The following ROR1 variants were observed in gnomAD, a reference collection of about 807,000 sequenced individuals.
The protein encoded by ROR1 is inactive tyrosine-protein kinase transmembrane receptor ROR1.
Under a neutral mutation model 78.8 loss-of-function variants are expected in ROR1, and 19 were observed. The observed-to-expected ratio is 0.24, with a 90% CI of 0.17 to 0.35. ROR1 has a LOEUF of 0.35. Ranked by LOEUF, ROR1 falls within the 10% of genes least tolerant of loss-of-function variation. The probability of loss-of-function intolerance (pLI) is 1.00; values close to 1 mark genes in which losing one functional copy is unlikely to be tolerated. For synonymous variants in ROR1, 386 were observed against 433.6 expected (o/e 0.89, Z 1.36); for missense variants, 917 against 1,177.8 (o/e 0.78, Z 3.24).
At chr1:63,950,715 C>T (rs1352046281) in intron 1 of ROR1, among the ~76,000 whole-genome samples, 3 of 152,184 alleles carry the variant, frequency 2.0e-5, no homozygotes, top group Non-Finnish European at 2.9e-5. Context: ...GGGCAAGTTC[C>T]CCAAATGTTT....
intron 8 of ROR1, among the ~76,000 whole-genome samples, chr1:64,168,480 C>T (rs7515058): frequency 0.13 from 19,108 of 152,124 alleles, 1,502 homozygotes; most frequent in Middle Eastern, 0.21. Flanking sequence ...GCCATGTCTT[C>T]TCTCTTCATG....
chr1:64,054,643 T>A (rs1052614715), intron 4 of ROR1, among the ~76,000 whole-genome samples: 2 of 152,226 alleles, frequency 1.3e-5, no homozygotes, highest in Non-Finnish European at 2.9e-5. Context: ...TACAAAATAT[T>A]ACAATTTAAT....
At chr1:63,994,695 C>A (rs1646323440) in intron 1 of ROR1, among the ~76,000 whole-genome samples, 1 of 152,206 alleles carries the variant, frequency 6.6e-6, no homozygotes, top group South Asian at 2.1e-4. Context: ...CTCCCAAGTG[C>A]TTCCACCAGC....
At chr1:64,076,411 A>G (rs992202380) in intron 4 of ROR1, among the ~76,000 whole-genome samples, 3 of 152,212 alleles carry the variant, frequency 2.0e-5, no homozygotes, top group Non-Finnish European at 4.4e-5. Flanking sequence ...GATTATACAA[A>G]CAGCTTGAGG....
At chr1:63,793,875 C>T (rs1644741871) in intron 1 of ROR1, among the ~76,000 whole-genome samples, 1 of 152,220 alleles carries the variant, frequency 6.6e-6, no homozygotes, top group Non-Finnish European at 1.5e-5. Context: ...GTGCTGCCCT[C>T]CCCGCTGGGG....
intron 1 of ROR1, among the ~76,000 whole-genome samples, chr1:63,987,499 T>C (rs1646262158): frequency 6.6e-6 from 1 of 152,208 alleles, no homozygotes; most frequent in African/African-American, 2.4e-5. Context: ...ATGTTAATCT[T>C]TGTATCATAG....
chr1:63,865,794 T>C (rs370057857), intron 1 of ROR1, among the ~76,000 whole-genome samples: 47 of 152,326 alleles, frequency 3.1e-4, no homozygotes, highest in East Asian at 1.9e-3. Context: ...ATAGCGCTTG[T>C]GACTGAATCA....
chr1:63,837,527 A>G (rs1645024861), intron 1 of ROR1, among the ~76,000 whole-genome samples: 1 of 152,124 alleles, frequency 6.6e-6, no homozygotes, highest in African/African-American at 2.4e-5. Context: ...CTGAAAAGCA[A>G]TTTCAGTGTG....
At chr1:63,902,950 GA>G (rs1345549544) in intron 1 of ROR1, among the ~76,000 whole-genome samples, 1 of 152,142 alleles carries the variant, frequency 6.6e-6, no homozygotes, top group Non-Finnish European at 1.5e-5. Flanking sequence ...CTTGTTAGAA[GA>G]ATGAGATGGG....
intron 1 of ROR1, among the ~76,000 whole-genome samples, chr1:63,787,434 T>G: frequency 8.6e-6 from 1 of 116,182 alleles, no homozygotes; most frequent in East Asian, 2.4e-4. Flanking sequence ...AACTATTGCC[T>G]TTCTTTCCTT....
intron 7 of ROR1, chr1:64,143,076 C>T (rs1439932921): frequency 6.8e-6 from 7 of 1,028,690 alleles, no homozygotes; most frequent in South Asian, 7.7e-5. Context: ...AATCTACAAC[C>T]ATTACTCGGT....
intron 4 of ROR1, among the ~76,000 whole-genome samples, chr1:64,079,013 G>A (rs559074630): frequency 9.2e-5 from 14 of 152,282 alleles, no homozygotes; most frequent in African/African-American, 3.4e-4. Flanking sequence ...AAATAGTTGA[G>A]TGTGCTGAGA....
At chr1:63,930,102 C>T (rs1329591321) in intron 1 of ROR1, among the ~76,000 whole-genome samples, 3 of 152,146 alleles carry the variant, frequency 2.0e-5, no homozygotes, top group Non-Finnish European at 1.5e-5. Context: ...TCTCCTAATG[C>T]TATCCCTCCT....
intron 7 of ROR1, among the ~76,000 whole-genome samples, chr1:64,143,899 T>C (rs1649407946): frequency 6.6e-6 from 1 of 152,134 alleles, no homozygotes; most frequent in Non-Finnish European, 1.5e-5. Context: ...AAGGGTGACA[T>C]GACCTGACTT....
chr1:63,969,473 A>C lies in ROR1; in HGVS notation c.92-39832A>C, dbSNP rs11800857. Among the ~76,000 whole-genome samples, 685 of 152,208 alleles carry C rather than the reference A, an allele frequency of 4.5e-3. 1 individual carries two copies. The highest frequency in any genetic ancestry group is 0.017 in the Middle Eastern group (5 of 294). ...CCCTCCTGAGCTATGGACTCATAGC[A>C]CTGGTAGTCAGCTGGATAGTTCCCC... On this transcript the variant is annotated intron_variant, in intron 1 of 8. Coordinates refer to ENST00000371079, the MANE Select transcript of ROR1 (RefSeq NM_005012.4).
chr1:63,990,749 A>G (rs1399069917), intron 1 of ROR1, among the ~76,000 whole-genome samples: 1 of 152,186 alleles, frequency 6.6e-6, no homozygotes, highest in Non-Finnish European at 1.5e-5. Flanking sequence ...ATGTGTTTAC[A>G]TTAAAAAAAG....
At chr1:64,114,820 G>A (rs562588760) in intron 4 of ROR1, among the ~76,000 whole-genome samples, 1 of 152,232 alleles carries the variant, frequency 6.6e-6, no homozygotes, top group African/African-American at 2.4e-5. Flanking sequence ...TACACAGGGA[G>A]GTAAGCCAAG....
chr1:64,156,622 G>A (rs919523457), intron 7 of ROR1, among the ~76,000 whole-genome samples: 3 of 149,164 alleles, frequency 2.0e-5, no homozygotes, highest in African/African-American at 4.9e-5. Flanking sequence ...CAGGTGAATC[G>A]CTTGAACCCG....
At chr1:64,045,383 T>C (rs1400067503) in intron 2 of ROR1, among the ~76,000 whole-genome samples, 1 of 152,052 alleles carries the variant, frequency 6.6e-6, no homozygotes, top group Non-Finnish European at 1.5e-5. Context: ...GTGTGGAAAA[T>C]ATTATTTTAC....
Sources: gnomAD v4.1 joint callset for allele counts (sites outside exome capture counted in the v4.1 genomes callset) on GRCh38, gnomAD v4.1.1 for gene constraint, MANE v1.5 for transcripts, NCBI Gene and HGNC (gene_info 2026-07-23, HGNC 2026-07-21) for gene names.